Variants in IMMP2L observed in about 807,000 individuals in gnomAD.
IMMP2L encodes mitochondrial inner membrane protease subunit 2.
IMMP2L carries 18 observed loss-of-function variants against 19.3 expected under a neutral mutation model. The ratio of observed to expected loss-of-function variants is 0.93; its 90% CI spans 0.64 to 1.38. The LOEUF (loss-of-function observed/expected upper bound fraction) is 1.38, where lower values mean the gene tolerates loss of function less well. IMMP2L is among the 40% of genes most tolerant of loss of function. The probability of loss-of-function intolerance (pLI) is 0.00; values close to 1 mark genes in which losing one functional copy is unlikely to be tolerated. For synonymous variants in IMMP2L, 76 were observed against 73.0 expected (o/e 1.04, Z -0.21); for missense variants, 233 against 218.2 (o/e 1.07, Z -0.43).
intron 3 of IMMP2L, among the ~76,000 whole-genome samples, chr7:111,217,995 G>A (rs1476112821): frequency 6.6e-6 from 1 of 151,922 alleles, no homozygotes; most frequent in African/African-American, 2.4e-5. Context: ...TCAAAATAAT[G>A]AGCTACGGAA....
At chr7:111,241,859 G>C (rs1333650687) in intron 3 of IMMP2L, among the ~76,000 whole-genome samples, 3 of 151,820 alleles carry the variant, frequency 2.0e-5, no homozygotes, top group African/African-American at 2.4e-5. Context: ...GGAAAAAAAA[G>C]TTTTTACAGT....
intron 4 of IMMP2L, chr7:110,963,112 C>T (rs911707395): frequency 6.6e-7 from 1 of 1,504,834 alleles, no homozygotes; most frequent in African/African-American, 1.4e-5. Flanking sequence ...AAAGAGTCCT[C>T]TTAGTTTCTG....
chr7:111,258,969 G>T (rs1364772822), intron 3 of IMMP2L, among the ~76,000 whole-genome samples: 1 of 151,938 alleles, frequency 6.6e-6, no homozygotes, highest in Non-Finnish European at 1.5e-5. Context: ...AAACCTAGAT[G>T]GTATAGCCTA....
chr7:110,808,883 C>T (rs916614694), intron 5 of IMMP2L, among the ~76,000 whole-genome samples: 1 of 152,022 alleles, frequency 6.6e-6, no homozygotes, highest in African/African-American at 2.4e-5. Context: ...TCTGAAACTT[C>T]AGTTATGGGT....
intron 4 of IMMP2L, among the ~76,000 whole-genome samples, chr7:110,925,047 G>T (rs1226130908): frequency 2.6e-5 from 4 of 152,124 alleles, no homozygotes; most frequent in East Asian, 1.9e-4. Flanking sequence ...TGTATTGCTG[G>T]GGTGAAAAAT....
At chr7:111,519,645 A>G (rs1458502002) in intron 2 of IMMP2L, among the ~76,000 whole-genome samples, 2 of 152,194 alleles carry the variant, frequency 1.3e-5, no homozygotes, top group East Asian at 3.9e-4. Flanking sequence ...CTTGTGAGCA[A>G]GACCTGTATC....
At chr7:110,726,389 A>T (rs1265337863) in intron 5 of IMMP2L, among the ~76,000 whole-genome samples, 3 of 152,228 alleles carry the variant, frequency 2.0e-5, no homozygotes, top group African/African-American at 7.2e-5. Context: ...GATTTTATCC[A>T]GAAGTAATAA....
At chr7:110,901,951 T>G (rs1811911509) in intron 4 of IMMP2L, among the ~76,000 whole-genome samples, 1 of 152,138 alleles carries the variant, frequency 6.6e-6, no homozygotes, top group African/African-American at 2.4e-5. Flanking sequence ...TTTACAGACT[T>G]TATAGACTGA....
intron 5 of IMMP2L, among the ~76,000 whole-genome samples, chr7:110,774,503 T>C (rs1180495229): frequency 6.6e-6 from 1 of 152,094 alleles, no homozygotes; most frequent in Non-Finnish European, 1.5e-5. Context: ...ATAATATAAA[T>C]CTGTTTTAAA....
intron 3 of IMMP2L, among the ~76,000 whole-genome samples, chr7:111,362,832 C>T (rs1292614306): frequency 6.6e-6 from 1 of 151,946 alleles, no homozygotes; most frequent in South Asian, 2.1e-4. Context: ...CTGGGAGGGG[C>T]GAGAAGTCTG....
rs140474923 is a variant in IMMP2L at position 110,782,194 on chromosome 7, T to A, written c.408+104399A>T. ...TACACATAAAAGAGAGATTCTGAGATATCCACTAGGCTTATATCTTATGAC... is the reference window on the plus strand; with the variant it reads ...TACACATAAAAGAGAGATTCTGAGAAATCCACTAGGCTTATATCTTATGAC... On this transcript the variant is annotated intron_variant, in intron 5 of 5. Coordinates refer to ENST00000405709, the MANE Select transcript of IMMP2L (RefSeq NM_032549.4). Among the ~76,000 whole-genome samples the A allele has an allele frequency of 8.1e-3, 1,228 of 152,002 alleles. 6 individuals carry two copies. Among genetic ancestry groups the A allele is most frequent in the Non-Finnish European group, 0.013 (896 of 67,888 alleles).
intron 3 of IMMP2L, among the ~76,000 whole-genome samples, chr7:111,333,565 G>C (rs893955555): frequency 2.0e-5 from 3 of 152,054 alleles, no homozygotes; most frequent in African/African-American, 7.2e-5. Context: ...TGGATTGAAG[G>C]ATGCAAAGCT....
chr7:111,144,956 T>C (rs1028839342), intron 3 of IMMP2L, among the ~76,000 whole-genome samples: 2 of 152,104 alleles, frequency 1.3e-5, no homozygotes, highest in Admixed American at 6.6e-5. Context: ...AACTGTAGGT[T>C]CAGGGAGGAT....
intron 3 of IMMP2L, among the ~76,000 whole-genome samples, chr7:111,093,962 T>C (rs1376277044): frequency 6.6e-6 from 1 of 152,148 alleles, no homozygotes; most frequent in Non-Finnish European, 1.5e-5. Context: ...GTGGTTGTTG[T>C]TGTTAATGGC....
chr7:110,928,361 A>G (rs1815090942), intron 4 of IMMP2L, among the ~76,000 whole-genome samples: 1 of 124,102 alleles, frequency 8.1e-6, no homozygotes, highest in South Asian at 2.4e-4. Context: ...GCACACACAC[A>G]CACACACACA....
intron 4 of IMMP2L, among the ~76,000 whole-genome samples, chr7:110,923,867 GA>G (rs1176161221): frequency 6.6e-6 from 1 of 152,024 alleles, no homozygotes; most frequent in African/African-American, 2.4e-5. Flanking sequence ...TTACCTTTTT[GA>G]AAGTTATATC....
At chr7:111,072,547 CA>C (rs111388342) in intron 3 of IMMP2L, among the ~76,000 whole-genome samples, 149 of 142,256 alleles carry the variant, frequency 1.0e-3, no homozygotes, top group East Asian at 1.4e-3. Flanking sequence ...CCACAAAACT[CA>C]AAAAAAAAAA....
intron 5 of IMMP2L, among the ~76,000 whole-genome samples, chr7:110,796,382 G>T (rs948842990): frequency 5.9e-5 from 9 of 152,034 alleles, no homozygotes; most frequent in African/African-American, 2.2e-4. Flanking sequence ...CTATCTTCTT[G>T]CTTCCTCGCC....
intron 3 of IMMP2L, among the ~76,000 whole-genome samples, chr7:111,048,263 AAAGAAAAAAAG>A (rs1225434567): frequency 6.0e-5 from 9 of 148,900 alleles, no homozygotes; most frequent in African/African-American, 2.3e-4. Flanking sequence ...AAAAAAAAAA[AAAGAAAAAAAG>A]AAAAAAGAAA....
Sources: gnomAD v4.1 joint callset for allele counts (sites outside exome capture counted in the v4.1 genomes callset) on GRCh38, gnomAD v4.1.1 for gene constraint, MANE v1.5 for transcripts, NCBI Gene and HGNC (gene_info 2026-07-23, HGNC 2026-07-21) for gene names.